The following SORCS3 variants were observed in gnomAD, a reference collection of about 807,000 sequenced individuals.
SORCS3 encodes the protein sortilin related VPS10 domain containing receptor 3, also known as VPS10 domain-containing receptor SorCS3.
Under a neutral mutation model 146.3 loss-of-function variants are expected in SORCS3, and 57 were observed. The observed-to-expected ratio is 0.39, with a 90% CI of 0.31 to 0.49. The LOEUF is 0.49. Among genes scored for constraint, SORCS3 ranks in the 20% least tolerant of loss-of-function variants. The probability of loss-of-function intolerance (pLI) is 0.92; values close to 1 mark genes in which losing one functional copy is unlikely to be tolerated. For missense variants in SORCS3, 1,341 were observed against 1,575.5 expected (o/e 0.85, Z 2.52); for synonymous variants, 653 against 618.5 (o/e 1.06, Z -0.83).
intron 2 of SORCS3, among the ~76,000 whole-genome samples, chr10:104,897,499 T>A (rs2018810121): frequency 6.6e-6 from 1 of 152,218 alleles, no homozygotes; most frequent in Admixed American, 6.5e-5. Flanking sequence ...AAAGACAATT[T>A]TATAGATAGT....
intron 6 of SORCS3, among the ~76,000 whole-genome samples, chr10:105,102,087 C>G (rs1219158200): frequency 6.6e-6 from 1 of 152,170 alleles, no homozygotes; most frequent in Non-Finnish European, 1.5e-5. Context: ...AAGGGGCATA[C>G]AGGCTGTCCT....
At chr10:105,156,725 A>G (rs1398909093) in intron 9 of SORCS3, among the ~76,000 whole-genome samples, 1 of 152,190 alleles carries the variant, frequency 6.6e-6, no homozygotes, top group African/African-American at 2.4e-5. Context: ...CAATGCCTCA[A>G]CTTCCATTGT....
chr10:104,871,973 C>A (rs902990279), intron 2 of SORCS3, among the ~76,000 whole-genome samples: 1 of 152,132 alleles, frequency 6.6e-6, no homozygotes, highest in Non-Finnish European at 1.5e-5. Flanking sequence ...AAGGAGGTGA[C>A]TTCTGCTCTC....
intron 1 of SORCS3, 68 bp downstream of exon 1, chr10:104,642,022 G>GGGGGGGGGGGGCA: frequency 5.8e-6 from 1 of 173,334 alleles, no homozygotes; most frequent in Non-Finnish European, 1.1e-5. Context: ...GGGTGGGTGG[G>GGGGGGGGGGGGCA]AGCGAGGGAC....
At chr10:104,729,221 C>G (rs2016678617) in intron 1 of SORCS3, among the ~76,000 whole-genome samples, 1 of 152,152 alleles carries the variant, frequency 6.6e-6, no homozygotes, top group African/African-American at 2.4e-5. Flanking sequence ...GTTCAGCTAA[C>G]CTCATTTTCT....
intron 25 of SORCS3, among the ~76,000 whole-genome samples, chr10:105,259,726 GT>G (rs1020482574): frequency 2.0e-5 from 3 of 152,128 alleles, no homozygotes; most frequent in East Asian, 1.9e-4. Flanking sequence ...TCCTTCCACT[GT>G]TTTTTTAGGA....
At chr10:105,018,805 C>T (rs531803138) in intron 4 of SORCS3, among the ~76,000 whole-genome samples, 12 of 148,360 alleles carry the variant, frequency 8.1e-5, no homozygotes, top group Admixed American at 2.7e-4. Flanking sequence ...CTCTCTCTCA[C>T]TTTCTATTAC....
intron 3 of SORCS3, among the ~76,000 whole-genome samples, chr10:104,965,730 A>T (rs1344827499): frequency 6.6e-6 from 1 of 152,154 alleles, no homozygotes; most frequent in Non-Finnish European, 1.5e-5. Flanking sequence ...AGCTCTGGAG[A>T]AATGTCTATT....
chr10:104,976,006 G>T (rs2054895129), intron 3 of SORCS3, among the ~76,000 whole-genome samples: 1 of 152,002 alleles, frequency 6.6e-6, no homozygotes, highest in African/African-American at 2.4e-5. Context: ...CATGGGCAAG[G>T]ACTTCATGTC....
intron 2 of SORCS3, among the ~76,000 whole-genome samples, chr10:104,893,506 A>AT (rs997198800): frequency 7.9e-5 from 12 of 152,030 alleles, no homozygotes; most frequent in African/African-American, 2.7e-4. Flanking sequence ...TTGTAGAGAG[A>AT]TTTTCTATCA....
chr10:105,211,602 T>A (rs541951682), intron 17 of SORCS3, among the ~76,000 whole-genome samples: 1 of 152,320 alleles, frequency 6.6e-6, no homozygotes, highest in African/African-American at 2.4e-5. Flanking sequence ...TACTCTCTAG[T>A]GAAAGATGAA....
intron 1 of SORCS3, among the ~76,000 whole-genome samples, chr10:104,698,059 T>G (rs2016237552): frequency 6.6e-6 from 1 of 152,224 alleles, no homozygotes; most frequent in African/African-American, 2.4e-5. Context: ...AAGGAAGTTT[T>G]CATGAGGGCC....
intron 13 of SORCS3, among the ~76,000 whole-genome samples, chr10:105,170,604 T>G (rs1029624406): frequency 5.9e-5 from 9 of 152,220 alleles, no homozygotes; most frequent in African/African-American, 2.2e-4. Flanking sequence ...GCTACAAATG[T>G]TTTCTTGAAC....
At chr10:105,159,061 T>C in intron 11 of SORCS3, 67 bp downstream of exon 11, 1 of 1,184,180 alleles carries the variant, frequency 8.4e-7, no homozygotes, top group Admixed American at 2.0e-5. Flanking sequence ...TCACCTCTTT[T>C]TGGATCATGG....
At chr10:104,718,319 A>G (rs1262280376) in intron 1 of SORCS3, among the ~76,000 whole-genome samples, 1 of 152,114 alleles carries the variant, frequency 6.6e-6, no homozygotes, top group Admixed American at 6.5e-5. Context: ...TGAGAGAGCA[A>G]GAGAGGGCGA....
chr10:104,740,412 ACTC>A (rs1282681773), intron 1 of SORCS3, among the ~76,000 whole-genome samples: 1 of 152,024 alleles, frequency 6.6e-6, no homozygotes, highest in Non-Finnish European at 1.5e-5. Context: ...CGTCTCACTT[ACTC>A]CTCCTTCTGT....
At chr10:104,786,357 A>G (rs1318450417) in intron 1 of SORCS3, among the ~76,000 whole-genome samples, 2 of 151,670 alleles carry the variant, frequency 1.3e-5, no homozygotes, top group Non-Finnish European at 2.9e-5. Flanking sequence ...TTCGAGACCA[A>G]CCTGGCTGAC....
At chr10:105,066,887 C>T (rs1286131415) in intron 5 of SORCS3, among the ~76,000 whole-genome samples, 3 of 152,148 alleles carry the variant, frequency 2.0e-5, no homozygotes, top group Admixed American at 6.5e-5. Flanking sequence ...GCCTAAAAGA[C>T]GTAAATGTAC....
chr10:105,143,067 A>G (rs950761297), intron 8 of SORCS3, among the ~76,000 whole-genome samples: 3 of 152,072 alleles, frequency 2.0e-5, no homozygotes, highest in African/African-American at 7.2e-5. Flanking sequence ...CTGCTGCTGT[A>G]TATTCTTTGC....
Sources: gnomAD v4.1 joint callset for allele counts (sites outside exome capture counted in the v4.1 genomes callset) on GRCh38, gnomAD v4.1.1 for gene constraint, MANE v1.5 for transcripts, NCBI Gene and HGNC (gene_info 2026-07-23, HGNC 2026-07-21) for gene names.